EPHX2: variants seen among roughly 807,000 people sequenced by gnomAD.
EPHX2 encodes the protein bifunctional epoxide hydrolase 2.
Under a neutral mutation model 78.7 loss-of-function variants are expected in EPHX2, and 74 were observed. The observed-to-expected ratio is 0.94, with a 90% CI of 0.78 to 1.14. The LOEUF (loss-of-function observed/expected upper bound fraction) is 1.14. Ranked by LOEUF, EPHX2 falls within the 50% of genes most tolerant of loss-of-function variation. The pLI is 0.00. For synonymous variants in EPHX2, 251 were observed against 255.2 expected, an observed-to-expected ratio of 0.98 and a Z score of 0.16; for missense variants, 715 against 702.5, an observed-to-expected ratio of 1.02 and a Z score of -0.20.
intron 2 of EPHX2, 100 bp downstream of exon 2, chr8:27,501,110 C>G: frequency 2.1e-6 from 2 of 956,744 alleles, no homozygotes; most frequent in East Asian, 2.5e-5. Context: ...AAACACCCAC[C>G]TTTTCTGTGA....
At chr8:27,527,236 T>C (rs1305667745) in intron 12 of EPHX2, among the ~76,000 whole-genome samples, 1 of 152,000 alleles carries the variant, frequency 6.6e-6, no homozygotes, top group East Asian at 1.9e-4. Flanking sequence ...GGATTACAGG[T>C]GTGAATATAT....
intron 10 of EPHX2, among the ~76,000 whole-genome samples, chr8:27,521,892 C>T (rs533691773): frequency 6.6e-6 from 1 of 152,178 alleles, no homozygotes; most frequent in Non-Finnish European, 1.5e-5. Context: ...TTTCTGAGAA[C>T]GTGTCCCCCT....
chr8:27,531,853 G>T (rs1198415364), intron 12 of EPHX2, among the ~76,000 whole-genome samples: 2 of 152,180 alleles, frequency 1.3e-5, no homozygotes, highest in Admixed American at 6.5e-5. Flanking sequence ...AGCTCTCCCT[G>T]TTAGGAGGGC....
chr8:27,538,558 A>G (rs928528068), intron 13 of EPHX2, 101 bp from the exon 14 acceptor site: 5 of 1,103,140 alleles, frequency 4.5e-6, no homozygotes, highest in South Asian at 3.0e-5. Flanking sequence ...TCAGATGAGC[A>G]TATTTCCTTT....
At chr8:27,501,404 C>CTTCT (rs1813797328) in intron 2 of EPHX2, among the ~76,000 whole-genome samples, 1 of 119,472 alleles carries the variant, frequency 8.4e-6, no homozygotes, top group Non-Finnish European at 1.8e-5. Context: ...TTTCTTCTTT[C>CTTCT]TTCTTTCTTC....
At chr8:27,530,383 C>CTACTAA (rs1193022220) in intron 12 of EPHX2, among the ~76,000 whole-genome samples, 1 of 152,178 alleles carries the variant, frequency 6.6e-6, no homozygotes, top group East Asian at 1.9e-4. Flanking sequence ...CATCAACGAG[C>CTACTAA]TACTAATAGC....
At chr8:27,517,672 G>A (rs547036032) in intron 8 of EPHX2, among the ~76,000 whole-genome samples, 1 of 152,318 alleles carries the variant, frequency 6.6e-6, no homozygotes, top group East Asian at 1.9e-4. Flanking sequence ...ACAAATGGTG[G>A]TGGGGAAACA....
intron 9 of EPHX2, among the ~76,000 whole-genome samples, chr8:27,520,419 T>C (rs1413171653): frequency 6.6e-6 from 1 of 152,072 alleles, no homozygotes; most frequent in African/African-American, 2.4e-5. Context: ...TGATCTCGGC[T>C]CACTGCAATC....
At chr8:27,537,252 T>G (rs1183235260) in intron 13 of EPHX2, among the ~76,000 whole-genome samples, 1 of 152,210 alleles carries the variant, frequency 6.6e-6, no homozygotes, top group Non-Finnish European at 1.5e-5. Context: ...ATACAGTCAG[T>G]GCCTGCTCAA....
At chr8:27,540,259 T>C (rs747708001) in intron 14 of EPHX2, among the ~76,000 whole-genome samples, 1 of 152,108 alleles carries the variant, frequency 6.6e-6, no homozygotes, top group Non-Finnish European at 1.5e-5. Flanking sequence ...GGGATATAGC[T>C]GCTGTGTGCC....
rs764615359 is a variant in EPHX2 at position 27,515,706 on chromosome 8, T to G, written c.736-12T>G. The G allele has an allele frequency of 1.9e-6, 3 of 1,612,860 alleles. No homozygotes were observed. The East Asian group carries it at 6.7e-5, about 36-fold the overall frequency. ...TGCTTGGTCGCTGCCCTCTCCTCTTTCCCTTCCACAGCCCAGGGTCCGTCT... is the reference window on the plus strand; with the variant it reads ...TGCTTGGTCGCTGCCCTCTCCTCTTGCCCTTCCACAGCCCAGGGTCCGTCT... On this transcript the variant is annotated splice_polypyrimidine_tract_variant and intron_variant, in intron 6 of 18. Transcript: ENST00000521400.
intron 8 of EPHX2, among the ~76,000 whole-genome samples, chr8:27,517,268 AT>A (rs919853389): frequency 2.0e-5 from 3 of 151,814 alleles, no homozygotes; most frequent in African/African-American, 7.3e-5. Flanking sequence ...AATTGCTATT[AT>A]TTTTTAAATC....
At chr8:27,525,605 G>C (rs750286467) in intron 12 of EPHX2, 132 bp downstream of exon 12, 26 of 829,596 alleles carry the variant, frequency 3.1e-5, no homozygotes, top group Non-Finnish European at 4.2e-5. Context: ...TTTACAAATG[G>C]GCTCAGGTGA....
chr8:27,545,987 C>G (rs1387231184), downstream of EPHX2, among the ~76,000 whole-genome samples: 2 of 152,032 alleles, frequency 1.3e-5, no homozygotes, highest in African/African-American at 4.8e-5. Context: ...GATAATTTGC[C>G]CAGGACTGCT....
intron 12 of EPHX2, 103 bp from the exon 13 acceptor site, chr8:27,536,681 T>C: frequency 8.7e-7 from 1 of 1,155,190 alleles, no homozygotes; most frequent in East Asian, 2.4e-5. Context: ...TTGGGCTGGA[T>C]GGGGCACAGG....
chr8:27,510,970 T>C (rs1333816598), intron 5 of EPHX2, among the ~76,000 whole-genome samples: 1 of 151,756 alleles, frequency 6.6e-6, no homozygotes, highest in Admixed American at 6.6e-5. Flanking sequence ...AGGCAGAGAT[T>C]AGGACACACA....
chr8:27,509,748 C>G (rs761758750), intron 5 of EPHX2, among the ~76,000 whole-genome samples: 9 of 152,158 alleles, frequency 5.9e-5, no homozygotes, highest in Non-Finnish European at 1.2e-4. Flanking sequence ...CTTTTATATC[C>G]CCACAGAAAA....
At chr8:27,516,195 C>A in intron 7 of EPHX2, 125 bp from the exon 8 acceptor site, 2 of 960,092 alleles carry the variant, frequency 2.1e-6, no homozygotes, top group Non-Finnish European at 3.3e-6. Flanking sequence ...GCAAAGTTAC[C>A]GGGTAGTGCC....
chr8:27,529,119 G>C (rs1467470954), intron 12 of EPHX2, among the ~76,000 whole-genome samples: 1 of 152,164 alleles, frequency 6.6e-6, no homozygotes, highest in Non-Finnish European at 1.5e-5. Flanking sequence ...TCTCTGCTGA[G>C]CACTGCAGGG....
Sources: gnomAD v4.1 joint callset for allele counts (sites outside exome capture counted in the v4.1 genomes callset) on GRCh38, gnomAD v4.1.1 for gene constraint, MANE v1.5 for transcripts, NCBI Gene and HGNC (gene_info 2026-07-23, HGNC 2026-07-21) for gene names.